The following CACNG2 variants were observed in gnomAD, a reference collection of about 807,000 sequenced individuals.
CACNG2 encodes the protein calcium voltage-gated channel auxiliary subunit gamma 2.
Under a neutral mutation model 25.9 loss-of-function variants are expected in CACNG2, and 3 were observed. The observed-to-expected ratio is 0.12, with a 90% CI of 0.05 to 0.30. The LOEUF (loss-of-function observed/expected upper bound fraction) is 0.30, where lower values mean the gene tolerates loss of function less well. CACNG2 is among the 10% of genes least tolerant of loss of function. CACNG2 has a pLI of 1.00. For missense variants in CACNG2, 341 were observed against 432.5 expected, an observed-to-expected ratio of 0.79 and a Z score of 1.88; for synonymous variants, 167 against 173.3, an observed-to-expected ratio of 0.96 and a Z score of 0.29.
At chr22:36,574,723 C>T (rs947413951) in intron 2 of CACNG2, among the ~76,000 whole-genome samples, 11 of 152,118 alleles carry the variant, frequency 7.2e-5, no homozygotes, top group African/African-American at 2.7e-4. Flanking sequence ...TGGAGGTTGC[C>T]GTGCACCAAA....
chr22:36,615,889 G>C (rs1277758534), intron 1 of CACNG2, among the ~76,000 whole-genome samples: 1 of 152,210 alleles, frequency 6.6e-6, no homozygotes, highest in Non-Finnish European at 1.5e-5. Flanking sequence ...ACTCACAGAT[G>C]TACTGCATGT....
chr22:36,646,143 T>C (rs1936520194), intron 1 of CACNG2, among the ~76,000 whole-genome samples: 1 of 152,252 alleles, frequency 6.6e-6, no homozygotes, highest in South Asian at 2.1e-4. Context: ...AGAGCAAGCC[T>C]ATATCTGGGA....
rs1322558483 is a variant in CACNG2 at position 36,562,466 on chromosome 22, G to A, written c.*1885C>T. On this transcript the variant is annotated 3_prime_UTR_variant, in exon 4 of 4. Transcript: ENST00000300105. The stretch of plus-strand genomic sequence containing the variant: ...ACGGGTGCCCTTCCCATGCATGCGA[G>A]TGGTGTGTGTGTGTGTGTGGGTATG... 1 of 151,390 alleles carries A rather than the reference G, an allele frequency of 6.6e-6. No homozygotes were observed. Among genetic ancestry groups the A allele is most frequent in the East Asian group, 1.9e-4 (1 of 5,136 alleles). 9.4% of individuals were successfully genotyped at this position (151,390 alleles called of 1,614,324 possible). A position where few individuals can be genotyped will look rare whatever the true frequency, so the allele number is the denominator to read the frequency against.
In CACNG2 at chr22:36,564,509, T is replaced by G; in HGVS notation, c.814A>C (p.Thr272Pro). Reference sequence around the variant, plus strand: ...GCCTTCAGGGGGTCCCTGCTGAGCGTGTACATGGAGATCTCCGTGGACGGC... The same window carrying G: ...GCCTTCAGGGGGTCCCTGCTGAGCGGGTACATGGAGATCTCCGTGGACGGC... ...TLPSTEISMY[T>P]LSRDPLKAAT... Residue 272 changes from threonine (T) to proline (P), a missense_variant, in exon 4 of 4, where the codon ACG becomes CCG. Transcript: ENST00000300105. This position sits in a 1 kb window ranked among gnomAD's most constrained non-coding sequence, Gnocchi z 6.7. 6.2e-7 allele frequency: 1 copy of G among 1,614,064 alleles called. No individual in the cohort carries two copies. The highest frequency in any genetic ancestry group is 1.7e-5 in the Admixed American group (1 of 60,028).
At chr22:36,619,676 G>A (rs2145948225) in intron 1 of CACNG2, among the ~76,000 whole-genome samples, 1 of 152,376 alleles carries the variant, frequency 6.6e-6, no homozygotes, top group South Asian at 2.1e-4. Flanking sequence ...AGGCGGTAAA[G>A]TTCCTGCCCA....
intron 1 of CACNG2, among the ~76,000 whole-genome samples, chr22:36,655,069 G>T (rs376498124): frequency 6.6e-6 from 1 of 152,086 alleles, no homozygotes; most frequent in East Asian, 1.9e-4. Flanking sequence ...GAATTTTGGC[G>T]TTTGCTGGAG....
At chr22:36,615,892 C>T (rs1008024373) in intron 1 of CACNG2, among the ~76,000 whole-genome samples, 8 of 152,220 alleles carry the variant, frequency 5.3e-5, no homozygotes, top group Non-Finnish European at 1.0e-4. Flanking sequence ...CACAGATGTA[C>T]TGCATGTCAA....
intron 1 of CACNG2, among the ~76,000 whole-genome samples, chr22:36,694,557 C>G (rs888817275): frequency 6.6e-6 from 1 of 152,200 alleles, no homozygotes; most frequent in Admixed American, 6.5e-5. Flanking sequence ...ATAATTCTAA[C>G]TGATTGTAAA....
At chr22:36,593,858 A>C (rs547072916) in intron 1 of CACNG2, among the ~76,000 whole-genome samples, 1 of 151,984 alleles carries the variant, frequency 6.6e-6, no homozygotes, top group South Asian at 2.1e-4. Context: ...CAGTCTGATT[A>C]ATGGTGGTGC....
At chr22:36,698,131 C>G (rs944867412) in intron 1 of CACNG2, among the ~76,000 whole-genome samples, 1 of 152,134 alleles carries the variant, frequency 6.6e-6, no homozygotes, top group East Asian at 1.9e-4. Flanking sequence ...TTCCGCACCC[C>G]CTTCTCTCCC....
At position 36,650,259 on chromosome 22, in the gene CACNG2, A is replaced by G. The variant is rs187592437; in HGVS notation, c.211+52107T>C. On this transcript the variant is annotated intron_variant, in intron 1 of 3. Transcript: ENST00000300105. The stretch of plus-strand genomic sequence containing the variant: ...AAGGCTAACGTCCTCACAGTGGCCT[A>G]TAAGGCCCCATGTGACATGCCTCCC... 1.2e-3 allele frequency among the ~76,000 whole-genome samples: 184 copies of G among 152,332 alleles called. 1 individual carries two copies. The highest frequency in any genetic ancestry group is 4.3e-3 in the African/African-American group (178 of 41,568).
At chr22:36,631,110 T>C (rs2145958185) in intron 1 of CACNG2, among the ~76,000 whole-genome samples, 1 of 152,294 alleles carries the variant, frequency 6.6e-6, no homozygotes, top group Admixed American at 6.5e-5. Flanking sequence ...ATTACAGGCG[T>C]GAGCCACCGT....
chr22:36,584,177 C>A (rs369234806), intron 2 of CACNG2, among the ~76,000 whole-genome samples: 1 of 152,136 alleles, frequency 6.6e-6, no homozygotes, highest in Admixed American at 6.5e-5. Flanking sequence ...TGGGGCCGGG[C>A]GTGGTGGCTC....
intron 2 of CACNG2, among the ~76,000 whole-genome samples, chr22:36,570,191 CTG>C (rs1387996043): frequency 6.6e-6 from 1 of 152,182 alleles, no homozygotes; most frequent in Non-Finnish European, 1.5e-5. Flanking sequence ...GGAGCGTCGG[CTG>C]CGGAGGGAGC....
At chr22:36,645,171 C>A (rs1936499750) in intron 1 of CACNG2, among the ~76,000 whole-genome samples, 1 of 152,160 alleles carries the variant, frequency 6.6e-6, no homozygotes, top group African/African-American at 2.4e-5. Flanking sequence ...TTGTTCAAAG[C>A]ATACCCACAC....
chr22:36,587,563 GAGA>G lies in CACNG2; in HGVS notation c.212-18_212-16del. The G allele has an allele frequency of 6.3e-7, 1 of 1,586,732 alleles. No homozygotes were observed. ...TTTGAAATTCCCTGCAAAACAAGGG[GAGA>G]AGGAGCACATGAAACATCATAGTTT... On this transcript the variant is annotated splice_polypyrimidine_tract_variant and intron_variant, in intron 1 of 3. Coordinates refer to ENST00000300105, the MANE Select transcript of CACNG2 (RefSeq NM_006078.5).
chr22:36,684,615 CAA>C (rs10647451), intron 1 of CACNG2, among the ~76,000 whole-genome samples: 8 of 101,310 alleles, frequency 7.9e-5, no homozygotes, highest in Non-Finnish European at 1.0e-4. Context: ...GACCTTGTCT[CAA>C]AAAAAAAAAA....
chr22:36,632,103 G>A (rs16997076), intron 1 of CACNG2, among the ~76,000 whole-genome samples: 20,481 of 152,130 alleles, frequency 0.13, 3,668 homozygotes, highest in African/African-American at 0.41. Context: ...TTTACAACTC[G>A]AAAGGAGAGA....
intron 1 of CACNG2, among the ~76,000 whole-genome samples, chr22:36,591,271 C>T (rs113982305): frequency 0.017 from 2,582 of 152,108 alleles, 45 homozygotes; most frequent in Non-Finnish European, 0.023. Flanking sequence ...CCTCGTGATC[C>T]GCCTGCTTCG....
Sources: gnomAD v4.1 joint callset for allele counts (sites outside exome capture counted in the v4.1 genomes callset) on GRCh38, gnomAD v4.1.1 for gene constraint, Gnocchi (gnomAD v3.1) non-coding constraint, MANE v1.5 for transcripts, NCBI Gene and HGNC (gene_info 2026-07-23, HGNC 2026-07-21) for gene names.